TMEM74: variants seen among roughly 807,000 people sequenced by gnomAD.
TMEM74 encodes the protein transmembrane protein 74.
TMEM74 carries 13 observed loss-of-function variants against 18.1 expected under a neutral mutation model. That is an observed-to-expected ratio of 0.72 (90% CI 0.47 to 1.14). The LOEUF (loss-of-function observed/expected upper bound fraction) is 1.14, where lower values mean the gene tolerates loss of function less well. TMEM74 is among the 50% of genes most tolerant of loss of function. The pLI, the probability that TMEM74 is intolerant of heterozygous loss-of-function variation, is 0.00. For missense variants in TMEM74, 372 were observed against 375.9 expected (o/e 0.99, Z 0.09); for synonymous variants, 159 against 146.6 (o/e 1.08, Z -0.61).
chr8:108,617,999 C>T (rs545094574), intron 2 of TMEM74, among the ~76,000 whole-genome samples: 3 of 152,224 alleles, frequency 2.0e-5, no homozygotes, highest in African/African-American at 7.2e-5. Flanking sequence ...TCATCCCTAT[C>T]TTTACTGCCT....
At chr8:108,640,971 T>G (rs1812660284) in intron 2 of TMEM74, among the ~76,000 whole-genome samples, 1 of 152,208 alleles carries the variant, frequency 6.6e-6, no homozygotes, top group African/African-American at 2.4e-5. Context: ...AAAGTGATAC[T>G]GAAAATAACT....
intron 1 of TMEM74, among the ~76,000 whole-genome samples, chr8:108,716,821 TA>T (rs1417192080): frequency 1.3e-5 from 2 of 151,002 alleles, no homozygotes; most frequent in African/African-American, 4.9e-5. Context: ...ATATATTCAA[TA>T]AAAAATGGAA....
intron 1 of TMEM74, among the ~76,000 whole-genome samples, chr8:108,738,649 C>T (rs1813770848): frequency 6.6e-6 from 1 of 152,116 alleles, no homozygotes; most frequent in Non-Finnish European, 1.5e-5. Context: ...ACAGAGCATC[C>T]TGGCCCATTG....
intron 1 of TMEM74, among the ~76,000 whole-genome samples, chr8:108,705,686 TG>T (rs749405369): frequency 6.6e-6 from 1 of 152,116 alleles, no homozygotes; most frequent in Non-Finnish European, 1.5e-5. Flanking sequence ...ACATCTTTTA[TG>T]TACCTTACAA....
Position 108,782,945 on chromosome 8 carries a change from A to G in TMEM74, c.*1236T>C, listed in dbSNP as rs942455349. ...CACCCAGTGTGTGTCTTGCAAAGTG[A>G]GCACCTTGCTCATCATGCTGCTCTT... On this transcript the variant is annotated 3_prime_UTR_variant, in exon 2 of 2. Transcript: ENST00000297459. Among the ~76,000 whole-genome samples the G allele has an allele frequency of 6.6e-6, 1 of 152,186 alleles. No homozygotes were observed. Among genetic ancestry groups the G allele is most frequent in the Non-Finnish European group, 1.5e-5 (1 of 68,026 alleles).
chr8:108,661,850 C>T (rs1172550161), intron 1 of TMEM74, among the ~76,000 whole-genome samples: 1 of 151,990 alleles, frequency 6.6e-6, no homozygotes, highest in Non-Finnish European at 1.5e-5. Flanking sequence ...AAAGGACCTT[C>T]TAAGGAGGAA....
At chr8:108,633,197 T>C (rs2130554552) in intron 2 of TMEM74, among the ~76,000 whole-genome samples, 1 of 152,156 alleles carries the variant, frequency 6.6e-6, no homozygotes, top group Middle Eastern at 3.4e-3. Context: ...CACCATTTTA[T>C]ACTTGTTCTT....
intron 1 of TMEM74, among the ~76,000 whole-genome samples, chr8:108,665,941 A>G (rs1812945033): frequency 6.6e-6 from 1 of 152,202 alleles, no homozygotes; most frequent in Non-Finnish European, 1.5e-5. Context: ...ATATCATTCA[A>G]TTAGACTATG....
At chr8:108,756,690 A>AAGAAAGAAAG (rs1311291106) in intron 1 of TMEM74, among the ~76,000 whole-genome samples, 2 of 113,608 alleles carry the variant, frequency 1.8e-5, no homozygotes, top group Non-Finnish European at 3.5e-5. Flanking sequence ...GAAAGAAAGA[A>AAGAAAGAAAG]AGAAAGAAGG....
At chr8:108,680,771 C>T (rs1042731854) in intron 1 of TMEM74, among the ~76,000 whole-genome samples, 1 of 152,144 alleles carries the variant, frequency 6.6e-6, no homozygotes, top group African/African-American at 2.4e-5. Context: ...AAAACCCCAT[C>T]GTCTTAGCCC....
At chr8:108,726,235 G>A (rs1813637407) in intron 1 of TMEM74, among the ~76,000 whole-genome samples, 1 of 152,098 alleles carries the variant, frequency 6.6e-6, no homozygotes, top group Non-Finnish European at 1.5e-5. Flanking sequence ...GAATGTTGTA[G>A]AATGCATTGA....
chr8:108,682,493 A>C (rs1813125724), intron 1 of TMEM74, among the ~76,000 whole-genome samples: 1 of 152,088 alleles, frequency 6.6e-6, no homozygotes, highest in Non-Finnish European at 1.5e-5. Context: ...CTTCCACCAT[A>C]TTGTAAGCCC....
At chr8:108,616,210 A>C (rs752407887) in intron 2 of TMEM74, among the ~76,000 whole-genome samples, 40 of 152,186 alleles carry the variant, frequency 2.6e-4, no homozygotes, top group Non-Finnish European at 1.0e-4. Flanking sequence ...GCAGCTGGGG[A>C]AATAAATTCC....
chr8:108,701,449 T>A (rs1813333950), intron 1 of TMEM74, among the ~76,000 whole-genome samples: 1 of 152,132 alleles, frequency 6.6e-6, no homozygotes, highest in Admixed American at 6.5e-5. Flanking sequence ...AGAAATAAAT[T>A]GCCTTTGTTT....
chr8:108,719,192 T>C (rs542218529), intron 1 of TMEM74, among the ~76,000 whole-genome samples: 25 of 152,208 alleles, frequency 1.6e-4, no homozygotes, highest in African/African-American at 5.1e-4. Flanking sequence ...CTGGTGGAGA[T>C]TAAATTGGGG....
chr8:108,754,629 A>G (rs1000267473), intron 1 of TMEM74, among the ~76,000 whole-genome samples: 1 of 151,266 alleles, frequency 6.6e-6, no homozygotes, highest in Non-Finnish European at 1.5e-5. Flanking sequence ...AAACAGAGCC[A>G]ATAGGATGGA....
At chr8:108,669,526 A>G (rs1367355293) in intron 1 of TMEM74, among the ~76,000 whole-genome samples, 1 of 152,230 alleles carries the variant, frequency 6.6e-6, no homozygotes, top group Non-Finnish European at 1.5e-5. Flanking sequence ...AATTCTTGGT[A>G]GTAAGTGGAA....
chr8:108,705,478 G>T (rs1412495648), intron 1 of TMEM74, among the ~76,000 whole-genome samples: 1 of 152,106 alleles, frequency 6.6e-6, no homozygotes, highest in African/African-American at 2.4e-5. Context: ...AGCCCATATG[G>T]TTCTTATATA....
At chr8:108,731,233 C>T (rs1813692229) in intron 1 of TMEM74, among the ~76,000 whole-genome samples, 3 of 150,958 alleles carry the variant, frequency 2.0e-5, no homozygotes, top group Admixed American at 6.6e-5. Context: ...CGCCCCCCAT[C>T]CCCCCCAAAA....
Sources: gnomAD v4.1 joint callset for allele counts (sites outside exome capture counted in the v4.1 genomes callset) on GRCh38, gnomAD v4.1.1 for gene constraint, MANE v1.5 for transcripts, NCBI Gene and HGNC (gene_info 2026-07-23, HGNC 2026-07-21) for gene names.